Variants in SYT11 observed in about 807,000 individuals in gnomAD.
The protein encoded by SYT11 is synaptotagmin-11.
SYT11 carries 12 observed loss-of-function variants against 30.4 expected under a neutral mutation model. That is an observed-to-expected ratio of 0.39 (90% confidence interval 0.25 to 0.64). The LOEUF is 0.64. SYT11 is among the 30% of genes least tolerant of loss of function. The pLI is 0.45. For missense variants in SYT11, 412 were observed against 552.0 expected (o/e 0.75, Z 2.54); for synonymous variants, 204 against 216.0 (o/e 0.94, Z 0.49).
In SYT11 at chr1:155,883,014, G is replaced by A. The variant is rs751158676; in HGVS notation, c.*1506G>A. ...TGAAGATAAGTTGGATTCTTTCAGA[G>A]CATTCTTTTCCTCAAAACGAGCTGC... On this transcript the variant is annotated 3_prime_UTR_variant, in exon 4 of 4. Coordinates refer to ENST00000368324, the MANE Select transcript of SYT11 (RefSeq NM_152280.5). 15 of 152,356 alleles carry A rather than the reference G, an allele frequency of 9.8e-5. No individual in the cohort carries two copies. Among genetic ancestry groups the A allele is most frequent in the Non-Finnish European group, 1.8e-4 (12 of 68,034 alleles). The allele number at this position is 152,356 out of a possible 1,614,324, so 9.4% of individuals were successfully genotyped here.
At chr1:155,871,006 G>A (rs1672774153) in intron 2 of SYT11, among the ~76,000 whole-genome samples, 1 of 152,228 alleles carries the variant, frequency 6.6e-6, no homozygotes, top group Non-Finnish European at 1.5e-5. Context: ...TTGAGGTTAT[G>A]TTCATCCACC....
At chr1:155,876,303 T>G (rs1238116096) in intron 2 of SYT11, among the ~76,000 whole-genome samples, 1 of 134,214 alleles carries the variant, frequency 7.5e-6, no homozygotes, top group Non-Finnish European at 1.5e-5. Flanking sequence ...TGGAGTGCAG[T>G]GGCGCGATCT....
At chr1:155,874,895 A>T (rs769049475) in intron 2 of SYT11, among the ~76,000 whole-genome samples, 5 of 149,198 alleles carry the variant, frequency 3.4e-5, no homozygotes, top group Non-Finnish European at 7.5e-5. Flanking sequence ...GTCTCAAAAA[A>T]ATAAAAATAA....
chr1:155,869,481 T>A (rs1199408471), intron 2 of SYT11, among the ~76,000 whole-genome samples: 1 of 151,972 alleles, frequency 6.6e-6, no homozygotes, highest in African/African-American at 2.4e-5. Flanking sequence ...CATGTTAGCC[T>A]GGCTAGTCTT....
rs796143567 is a variant in SYT11 at position 155,869,610 on chromosome 1, A to G, written c.861+819A>G. Among the ~76,000 whole-genome samples the G allele has an allele frequency of 6.6e-5, 10 of 152,158 alleles. 1 individual carries two copies. The highest frequency in any genetic ancestry group is 2.4e-4 in the African/African-American group (10 of 41,500). ...CTTCTTATGACCATTTTACAATGCA[A>G]TTCAATGAATTGCTTCACCCTTCTA... On this transcript the variant is annotated intron_variant, in intron 2 of 3. Coordinates refer to ENST00000368324, the MANE Select transcript of SYT11 (RefSeq NM_152280.5).
intron 1 of SYT11, among the ~76,000 whole-genome samples, chr1:155,866,919 C>T (rs1672686081): frequency 1.3e-5 from 2 of 151,428 alleles, no homozygotes; most frequent in Non-Finnish European, 2.9e-5. Flanking sequence ...CATATATATA[C>T]ACACACACAT....
At chr1:155,863,516 G>A (rs1306975470) in intron 1 of SYT11, among the ~76,000 whole-genome samples, 1 of 152,032 alleles carries the variant, frequency 6.6e-6, no homozygotes, top group Non-Finnish European at 1.5e-5. Flanking sequence ...GGTTAGGCAT[G>A]GTGGCTTGCA....
rs1672959244 is a variant in SYT11, at chr1:155,881,409, G to C, written c.1197G>C (p.Gly399=). The C allele has an allele frequency of 6.2e-7, 1 of 1,613,972 alleles. No homozygotes were observed. The part of the protein sequence containing the change: ...KNEVVGRLIL[G]AHSVTASGAE... ...AGGTGGTGGGGAGGCTGATCCTGGG[G>C]GCACACAGTGTCACAGCCAGTGGTG... The change falls in exon 4 of 4, where the codon GGG becomes GGC. Residue 399 remains glycine, a synonymous_variant. Transcript: ENST00000368324.
rs1243219121 is a variant in SYT11 at position 155,868,309 on chromosome 1, G to T, written c.379G>T (p.Asp127Tyr). Residue 127 changes from aspartate (D) to tyrosine (Y), a missense_variant, in exon 2 of 4, where the codon GAC (aspartate) becomes TAC (tyrosine). Coordinates refer to ENST00000368324, the MANE Select transcript of SYT11 (RefSeq NM_152280.5). The surrounding 1 kb of genome is among the most constrained non-coding windows in gnomAD (Gnocchi z 4.7). ...TATAGACCAATTACCCATCAAAATG[G>T]ACTATGGGGAAGAACTAAGGAGCCC... Reference protein sequence around the residue: ...SCIDQLPIKMDYGEELRSPIT... With the variant: ...SCIDQLPIKMYYGEELRSPIT... The T allele has an allele frequency of 1.2e-6, 2 of 1,614,024 alleles. No homozygotes were observed. The highest frequency in any genetic ancestry group is 4.5e-5 in the East Asian group (2 of 44,882).
chr1:155,864,660 T>A (rs1007194668), intron 1 of SYT11, among the ~76,000 whole-genome samples: 1 of 151,780 alleles, frequency 6.6e-6, no homozygotes, highest in African/African-American at 2.4e-5. Flanking sequence ...TGAGTCCAAA[T>A]AGAAATTTAC....
intron 1 of SYT11, among the ~76,000 whole-genome samples, chr1:155,864,361 T>C (rs1165029824): frequency 2.0e-5 from 3 of 152,240 alleles, no homozygotes; most frequent in African/African-American, 7.2e-5. Context: ...ATTACATGTA[T>C]ATTATGACCA....
rs11337901 is a variant in SYT11 at position 155,876,964 on chromosome 1, C to CT, written c.862-3519dup. On this transcript the variant is annotated intron_variant, in intron 2 of 3. Transcript: ENST00000368324. ...CCACACCCGGCTAATTTTTCTATTT[C>CT]TTTTTTTTTTTTTTTTTCCTGAGAC... Among the ~76,000 whole-genome samples the CT allele has an allele frequency of 2.5e-3, 287 of 117,000 alleles. 1 individual carries two copies. The highest frequency in any genetic ancestry group is 7.4e-3 in the African/African-American group (237 of 31,876). The allele number at this position is 117,000 out of a possible 152,430, so 76.8% of individuals were successfully genotyped here. A position where few individuals can be genotyped will look rare whatever the true frequency, so the allele number is the denominator to read the frequency against.
chr1:155,865,065 T>C (rs957365812), intron 1 of SYT11, among the ~76,000 whole-genome samples: 2 of 152,186 alleles, frequency 1.3e-5, no homozygotes, highest in African/African-American at 2.4e-5. Flanking sequence ...GACTCTTTTG[T>C]TCACTGAACG....
intron 1 of SYT11, among the ~76,000 whole-genome samples, chr1:155,861,852 A>G (rs576779825): frequency 2.8e-4 from 42 of 152,202 alleles, no homozygotes; most frequent in Non-Finnish European, 6.0e-4. Flanking sequence ...TCCCGACCTC[A>G]GGTGATCTGC....
rs1673047441 is a variant in SYT11 at position 155,885,193 on chromosome 1, A to C, written c.*3685A>C. ...CAAAATAAAGACTGATTCACATTAC[A>C]TAGGCACAGTGATGTCAGCCTGATT... On this transcript the variant is annotated 3_prime_UTR_variant, in exon 4 of 4. Transcript: ENST00000368324. 6.6e-6 allele frequency: 1 copy of C among 152,350 alleles called. No homozygotes were observed. Among genetic ancestry groups the C allele is most frequent in the Non-Finnish European group, 1.5e-5 (1 of 68,040 alleles). 9.4% of individuals were successfully genotyped at this position (152,350 alleles called of 1,614,324 possible). A position where few individuals can be genotyped will look rare whatever the true frequency, so the allele number is the denominator to read the frequency against.
intron 1 of SYT11, among the ~76,000 whole-genome samples, chr1:155,866,234 T>C (rs1672673527): frequency 6.6e-6 from 1 of 150,832 alleles, no homozygotes; most frequent in African/African-American, 2.4e-5. Flanking sequence ...TGCCTCAGCC[T>C]CCTGAGTAGC....
chr1:155,878,712 A>G (rs1017005409), intron 2 of SYT11, among the ~76,000 whole-genome samples: 22 of 151,610 alleles, frequency 1.5e-4, no homozygotes, highest in Non-Finnish European at 2.4e-4. Context: ...AAAAATACAA[A>G]AAAAATTAGC....
chr1:155,881,695 T>G lies in SYT11; in HGVS notation c.*187T>G. 2.0e-6 allele frequency: 1 copy of G among 508,672 alleles called. No homozygotes were observed. Among genetic ancestry groups the G allele is most frequent in the Non-Finnish European group, 3.4e-6 (1 of 291,094 alleles). The allele number at this position is 508,672 out of a possible 1,614,324, so 31.5% of individuals were successfully genotyped here. A position where few individuals can be genotyped will look rare whatever the true frequency, so the allele number is the denominator to read the frequency against. ...GATCAGTTCTTAGCAATGATGTTTTTTTTTCTGCTTTGCAAGGCGCTAGAA... is the reference window on the plus strand; with the variant it reads ...GATCAGTTCTTAGCAATGATGTTTTGTTTTCTGCTTTGCAAGGCGCTAGAA... On this transcript the variant is annotated 3_prime_UTR_variant, in exon 4 of 4. Transcript: ENST00000368324.
intron 1 of SYT11, among the ~76,000 whole-genome samples, chr1:155,864,766 A>T (rs1443572681): frequency 7.1e-6 from 1 of 140,976 alleles, no homozygotes; most frequent in Non-Finnish European, 1.5e-5. Flanking sequence ...AATGGAGTGC[A>T]GTAGCACAAT....
Sources: gnomAD v4.1 joint callset for allele counts (sites outside exome capture counted in the v4.1 genomes callset) on GRCh38, gnomAD v4.1.1 for gene constraint, Gnocchi (gnomAD v3.1) non-coding constraint, MANE v1.5 for transcripts, NCBI Gene and HGNC (gene_info 2026-07-23, HGNC 2026-07-21) for gene names.